ZNF705B: variants seen among roughly 807,000 people sequenced by gnomAD.
The protein encoded by ZNF705B is zinc finger protein 705B.
Under a neutral mutation model 10.5 loss-of-function variants are expected in ZNF705B, and 1 was observed. The ratio of observed to expected loss-of-function variants is 0.10; its 90% CI spans 0.03 to 0.45. ZNF705B has a LOEUF of 0.45. Among genes scored for constraint, ZNF705B ranks in the 20% least tolerant of loss-of-function variants. ZNF705B has a pLI of 0.97. For synonymous variants in ZNF705B, 4 were observed against 25.4 expected, an observed-to-expected ratio of 0.16 and a Z score of 2.53; for missense variants, 14 against 84.0, an observed-to-expected ratio of 0.17 and a Z score of 3.26.
chr8:7,940,268 G>A (rs529689732), intron 2 of ZNF705B, among the ~76,000 whole-genome samples: 4 of 149,010 alleles, frequency 2.7e-5, no homozygotes, highest in South Asian at 4.3e-4. Context: ...TATTTTAACC[G>A]ACTTTGTTGA....
At position 7,930,351 on chromosome 8, in the gene ZNF705B, G is replaced by A. The variant is rs1257376733; in HGVS notation, c.-157G>A. On this transcript the variant is annotated 5_prime_UTR_variant, in exon 2 of 7. Coordinates refer to ENST00000400120, the MANE Select transcript of ZNF705B (RefSeq NM_001193630.1). ...GCCACCTTCAGGCTGTAAGGTCATC[G>A]TATAATCCTGACCACTCATTTCCCA... 8 of 76,390 alleles carry A rather than the reference G, an allele frequency of 1.0e-4. No homozygotes were observed. The highest frequency in any genetic ancestry group is 4.1e-4 in the East Asian group (1 of 2,420). 4.7% of individuals were successfully genotyped at this position (76,390 alleles called of 1,614,324 possible). A position where few individuals can be genotyped will look rare whatever the true frequency, so the allele number is the denominator to read the frequency against.
At chr8:7,941,841 G>T in intron 2 of ZNF705B, among the ~76,000 whole-genome samples, 1 of 74,424 alleles carries the variant, frequency 1.3e-5, no homozygotes, top group African/African-American at 4.1e-5. Flanking sequence ...TCTTTTTTTA[G>T]TGGAGACAGA....
Position 7,926,852 on chromosome 8 carries a change from T to C in ZNF705B, c.-222+455T>C, listed in dbSNP as rs1230662112. On this transcript the variant is annotated intron_variant, in intron 1 of 6. Transcript: ENST00000400120. ...CTAGTTTATCTCACTAGAGATGTGTTCCTTTATTCAAAAAATATTATCTTT... is the reference window on the plus strand; with the variant it reads ...CTAGTTTATCTCACTAGAGATGTGTCCCTTTATTCAAAAAATATTATCTTT... Among the ~76,000 whole-genome samples the C allele has an allele frequency of 4.4e-5, 5 of 114,938 alleles. 2 individuals are homozygous for C. The highest frequency in any genetic ancestry group is 2.1e-4 in the Admixed American group (2 of 9,716). 75.4% of individuals were successfully genotyped at this position (114,938 alleles called of 152,430 possible).
chr8:7,928,562 A>G (rs1399007931), intron 1 of ZNF705B, among the ~76,000 whole-genome samples: 1 of 116,328 alleles, frequency 8.6e-6, no homozygotes, highest in Non-Finnish European at 2.1e-5. Flanking sequence ...TGGAGGGGAA[A>G]GAGAGAAGGA....
chr8:7,927,646 T>G (rs528512473), intron 1 of ZNF705B, among the ~76,000 whole-genome samples: 9 of 123,604 alleles, frequency 7.3e-5, no homozygotes, highest in African/African-American at 2.3e-4. Context: ...CATCACCAAA[T>G]AAACAGGAGA....
At chr8:7,931,893 G>A (rs1241073889) in intron 2 of ZNF705B, among the ~76,000 whole-genome samples, 3 of 125,564 alleles carry the variant, frequency 2.4e-5, no homozygotes, top group African/African-American at 7.5e-5. Context: ...GAGTTCAGCT[G>A]GTATTGTGAC....
At chr8:7,935,820 A>G (rs1354726135) in intron 2 of ZNF705B, among the ~76,000 whole-genome samples, 1 of 91,240 alleles carries the variant, frequency 1.1e-5, no homozygotes, top group African/African-American at 2.7e-5. Flanking sequence ...TTGATCCCTG[A>G]GCTTTCCATC....
At chr8:7,927,487 C>A (rs1293907389) in intron 1 of ZNF705B, among the ~76,000 whole-genome samples, 1 of 120,694 alleles carries the variant, frequency 8.3e-6, no homozygotes, top group African/African-American at 2.5e-5. Flanking sequence ...CTGTTCACAT[C>A]CTTTGCCCAC....
In ZNF705B at chr8:7,928,296, T is replaced by A. The variant is rs1339256546; in HGVS notation, c.-222+1899T>A. Among the ~76,000 whole-genome samples the A allele has an allele frequency of 1.6e-4, 19 of 120,366 alleles. 5 individuals are homozygous for A. The highest frequency in any genetic ancestry group is 6.7e-4 in the Admixed American group (7 of 10,502). 79.0% of individuals were successfully genotyped at this position (120,366 alleles called of 152,430 possible). ...GGGGGTTGGCATTTCAACAGATGAA[T>A]GGGGAGACAGAAATATTCAAACATT... On this transcript the variant is annotated intron_variant, in intron 1 of 6. Coordinates refer to ENST00000400120, the MANE Select transcript of ZNF705B (RefSeq NM_001193630.1).
At chr8:7,935,199 ACC>A (rs1742863657) in intron 2 of ZNF705B, among the ~76,000 whole-genome samples, 1 of 104,420 alleles carries the variant, frequency 9.6e-6, no homozygotes, top group Non-Finnish European at 2.3e-5. Context: ...TACTTGTTAC[ACC>A]CTGAGACTTC....
rs1210798086 is a variant in ZNF705B at position 7,941,041 on chromosome 8, A to G, written c.-71-6310A>G. ...ATCTCATTCCTTTTTATGGCTGCAT[A>G]GTATTCCATGGTGTATACGTACCAC... On this transcript the variant is annotated intron_variant, in intron 2 of 6. Transcript: ENST00000400120. Among the ~76,000 whole-genome samples the G allele has an allele frequency of 1.7e-4, 26 of 149,584 alleles. 1 individual carries two copies. Among genetic ancestry groups the G allele is most frequent in the Non-Finnish European group, 3.9e-4 (26 of 66,826 alleles).
intron 1 of ZNF705B, among the ~76,000 whole-genome samples, 151 bp from the exon 2 acceptor site, chr8:7,930,136 C>T (rs1268922338): frequency 1.7e-5 from 2 of 115,320 alleles, no homozygotes; most frequent in African/African-American, 2.6e-5. Context: ...CAACTCCTCC[C>T]TCCACCCTCT....
At chr8:7,928,716 G>A (rs1322155072) in intron 1 of ZNF705B, among the ~76,000 whole-genome samples, 7 of 77,374 alleles carry the variant, frequency 9.0e-5, no homozygotes, top group African/African-American at 2.4e-4. Context: ...CATGGTAAGA[G>A]CCTGCCTAGA....
chr8:7,933,285 A>AGGGGAGGGAGAGGG (rs1181528063), intron 2 of ZNF705B, among the ~76,000 whole-genome samples: 1 of 63,470 alleles, frequency 1.6e-5, no homozygotes, highest in African/African-American at 3.6e-5. Flanking sequence ...AAGGTGCAGG[A>AGGGGAGGGAGAGGG]AGAAAACTGC....
chr8:7,928,949 G>A (rs1171010178), intron 1 of ZNF705B, among the ~76,000 whole-genome samples: 1 of 113,086 alleles, frequency 8.8e-6, no homozygotes, highest in Admixed American at 1.1e-4. Context: ...GACTCAGAAG[G>A]CCGCAGGGCT....
intron 2 of ZNF705B, among the ~76,000 whole-genome samples, chr8:7,931,671 A>T (rs1819853824): frequency 7.9e-6 from 1 of 126,240 alleles, no homozygotes; most frequent in Non-Finnish European, 1.9e-5. Flanking sequence ...AGGTCCCCTG[A>T]GGATGCCTGC....
At chr8:7,931,466 T>C (rs2128941940) in intron 2 of ZNF705B, among the ~76,000 whole-genome samples, 1 of 121,968 alleles carries the variant, frequency 8.2e-6, no homozygotes, top group East Asian at 2.3e-4. Context: ...TCCCAGACAA[T>C]GTGCACAGGC....
At chr8:7,940,230 A>C (rs1159891594) in intron 2 of ZNF705B, among the ~76,000 whole-genome samples, 2 of 147,184 alleles carry the variant, frequency 1.4e-5, no homozygotes, top group African/African-American at 5.0e-5. Flanking sequence ...CCCTCCTTTT[A>C]AGTTTTTTAA....
chr8:7,927,492 G>T (rs1263565075), intron 1 of ZNF705B, among the ~76,000 whole-genome samples: 1 of 120,574 alleles, frequency 8.3e-6, no homozygotes, highest in African/African-American at 2.5e-5. Context: ...CACATCCTTT[G>T]CCCACTTTTT....
Sources: gnomAD v4.1 joint callset for allele counts (sites outside exome capture counted in the v4.1 genomes callset) on GRCh38, gnomAD v4.1.1 for gene constraint, MANE v1.5 for transcripts, NCBI Gene and HGNC (gene_info 2026-07-23, HGNC 2026-07-21) for gene names.